The following VIPR2 variants were observed in gnomAD, a reference collection of about 807,000 sequenced individuals.
VIPR2 encodes the protein vasoactive intestinal peptide receptor 2.
In VIPR2, 48 loss-of-function variants were observed where a neutral mutation model predicts 58.0. That is an observed-to-expected ratio of 0.83 (90% CI 0.66 to 1.05). The LOEUF (loss-of-function observed/expected upper bound fraction) is 1.05. Among genes scored for constraint, VIPR2 ranks in the 50% least tolerant of loss-of-function variants. The pLI, the probability that VIPR2 is intolerant of heterozygous loss-of-function variation, is 0.00. For synonymous variants in VIPR2, 243 were observed against 235.2 expected, an observed-to-expected ratio of 1.03 and a Z score of -0.30; for missense variants, 534 against 558.0, an observed-to-expected ratio of 0.96 and a Z score of 0.43.
Position 159,031,692 on chromosome 7 carries a change from C to G in VIPR2, c.1143+136G>C. ...CGTTGTGGGTTCTCTGATGGGGACA[C>G]AGAACTGTGGGGTCCCGGGCAGTAA... On this transcript the variant is annotated intron_variant, in intron 12 of 12. Coordinates refer to ENST00000262178, the MANE Select transcript of VIPR2 (RefSeq NM_003382.5). The surrounding 1 kb of genome is among the most constrained non-coding windows in gnomAD (Gnocchi z 4.0). The G allele has an allele frequency of 1.3e-6, 2 of 1,530,706 alleles. No homozygotes were observed. Among genetic ancestry groups the G allele is most frequent in the Non-Finnish European group, 1.7e-6 (2 of 1,144,640 alleles). 94.8% of individuals were successfully genotyped at this position (1,530,706 alleles called of 1,614,324 possible).
intron 6 of VIPR2, among the ~76,000 whole-genome samples, chr7:159,038,182 GCCTCCCCTGAGCCCTGCAGGCTGCCCCGA>G (rs1051001432): frequency 2.6e-5 from 4 of 151,824 alleles, no homozygotes; most frequent in East Asian, 1.9e-4. Flanking sequence ...GCTGTCCCTG[GCCTCCCCTGAGCCCTGCAGGCTGCCCCGA>G]CCTCCCCTGA....
chr7:159,081,106 G>A (rs1399212504), intron 4 of VIPR2, among the ~76,000 whole-genome samples: 1 of 152,008 alleles, frequency 6.6e-6, no homozygotes, highest in Non-Finnish European at 1.5e-5. Context: ...TCACAGAATT[G>A]GAAAAAACTA....
chr7:159,034,681 CACCA>C, intron 8 of VIPR2, 31 bp from the exon 9 acceptor site: 1 of 1,600,888 alleles, frequency 6.2e-7, no homozygotes, highest in Non-Finnish European at 8.6e-7. Flanking sequence ...ATCAGGTTAC[CACCA>C]ACCACTTTCG....
chr7:159,081,393 G>T (rs1379766536), intron 4 of VIPR2, among the ~76,000 whole-genome samples: 2 of 152,212 alleles, frequency 1.3e-5, no homozygotes, highest in Non-Finnish European at 2.9e-5. Flanking sequence ...AATAAATGGT[G>T]CTGGGAAAAC....
rs1188696364 is a variant in VIPR2, at chr7:159,030,766, T to C, written c.1167A>G (p.Lys389=). The C allele has an allele frequency of 1.3e-6, 2 of 1,594,478 alleles. No individual in the cohort carries two copies. The highest frequency in any genetic ancestry group is 2.3e-5 in the South Asian group (2 of 88,244). ...NSEVQCELKR[K]WRSRCPTPSA... is the part of the protein sequence containing the mutation. ...ACGGGGTCGGGCACCGGCTTCGCCA[T>C]TTTCGCTTCAGCTCGCACTGCACCT... Residue 389 remains lysine (K), a synonymous_variant, in exon 13 of 13, where the codon AAA becomes AAG. Coordinates refer to ENST00000262178, the MANE Select transcript of VIPR2 (RefSeq NM_003382.5).
At chr7:159,051,266 C>A (rs943325149) in intron 5 of VIPR2, among the ~76,000 whole-genome samples, 1 of 152,090 alleles carries the variant, frequency 6.6e-6, no homozygotes, top group African/African-American at 2.4e-5. Context: ...GACAAAAACA[C>A]AAAACACATG....
intron 3 of VIPR2, among the ~76,000 whole-genome samples, chr7:159,105,618 C>T (rs1169231684): frequency 2.0e-5 from 3 of 152,138 alleles, no homozygotes; most frequent in African/African-American, 4.8e-5. Flanking sequence ...TGCCCACTGG[C>T]ACCCCGACAC....
At chr7:159,117,161 C>T (rs1396052756) in intron 2 of VIPR2, 8 of 620,012 alleles carry the variant, frequency 1.3e-5, no homozygotes, top group Admixed American at 5.2e-5. Context: ...GGACGGAGTG[C>T]GGGAGCCAGC....
chr7:159,091,858 G>A (rs970714658), intron 4 of VIPR2, among the ~76,000 whole-genome samples: 5 of 152,204 alleles, frequency 3.3e-5, no homozygotes, highest in African/African-American at 7.2e-5. Context: ...CCAGGGGCAG[G>A]GGCTCATGCC....
chr7:159,132,224 G>A (rs1237437772), intron 2 of VIPR2, among the ~76,000 whole-genome samples: 100 of 144,248 alleles, frequency 6.9e-4, no homozygotes, highest in African/African-American at 1.3e-3. Context: ...CAGGAGCAGC[G>A]AGTAACCAGG....
At chr7:159,139,553 G>C (rs1344526913) in intron 2 of VIPR2, among the ~76,000 whole-genome samples, 2 of 152,226 alleles carry the variant, frequency 1.3e-5, no homozygotes, top group East Asian at 3.8e-4. Flanking sequence ...CTGACATGTA[G>C]ATCGAAATTA....
chr7:159,142,439 G>A lies in VIPR2; in HGVS notation c.151+7C>T. 6.2e-7 allele frequency: 1 copy of A among 1,611,308 alleles called. No homozygotes were observed. Among genetic ancestry groups the A allele is most frequent in the Non-Finnish European group, 8.5e-7 (1 of 1,177,964 alleles). On this transcript the variant is annotated splice_region_variant and intron_variant, in intron 2 of 12. Coordinates refer to ENST00000262178, the MANE Select transcript of VIPR2 (RefSeq NM_003382.5). ...GGGAGTTCTTACTCACCAAGCCTCT[G>A]CCTTACCTTTGTGTTTTTCTGTTTG...
At chr7:159,119,878 G>A (rs1430337951) in intron 2 of VIPR2, among the ~76,000 whole-genome samples, 1 of 151,048 alleles carries the variant, frequency 6.6e-6, no homozygotes, top group African/African-American at 2.5e-5. Flanking sequence ...AGCCTGGTAG[G>A]TGGGGTTGGA....
chr7:159,065,427 G>A (rs1856026775), intron 4 of VIPR2, among the ~76,000 whole-genome samples: 2 of 152,164 alleles, frequency 1.3e-5, no homozygotes, highest in African/African-American at 4.8e-5. Context: ...CCTCTGGCCA[G>A]GGTTCCGGCT....
At chr7:159,137,160 G>A (rs544011580) in intron 2 of VIPR2, among the ~76,000 whole-genome samples, 37 of 152,190 alleles carry the variant, frequency 2.4e-4, no homozygotes, top group South Asian at 4.2e-4. Context: ...CACCCTGAAT[G>A]GCTTCCTGTG....
chr7:159,104,978 T>C (rs1563332194), intron 3 of VIPR2, among the ~76,000 whole-genome samples: 2 of 152,232 alleles, frequency 1.3e-5, no homozygotes, highest in East Asian at 3.9e-4. Flanking sequence ...CCACTGGTGT[T>C]GGAAGAAAGG....
At chr7:159,135,015 T>TTTTTTTG in intron 2 of VIPR2, among the ~76,000 whole-genome samples, 1 of 123,010 alleles carries the variant, frequency 8.1e-6, no homozygotes, top group African/African-American at 3.3e-5. Flanking sequence ...TTTTTTTTTT[T>TTTTTTTG]TTTTTTTTTT....
rs536673652 is a variant in VIPR2 at position 159,081,016 on chromosome 7, C to T, written c.358-22438G>A. Among the ~76,000 whole-genome samples the T allele has an allele frequency of 6.6e-5, 10 of 152,290 alleles. No individual in the cohort carries two copies. The East Asian group carries it at 1.2e-3, about 18-fold the overall frequency. On this transcript the variant is annotated intron_variant, in intron 4 of 12. Transcript: ENST00000262178. ...TTCCATGCTCATGGGTAGGAATAAT[C>T]AATACCGTGAAAATGGCCATACTGC... is the stretch of plus-strand genomic sequence containing the variant.
chr7:159,064,320 C>T (rs560767795), intron 4 of VIPR2, among the ~76,000 whole-genome samples: 53 of 152,150 alleles, frequency 3.5e-4, no homozygotes, highest in African/African-American at 1.1e-3. Context: ...TGGGCTCGAG[C>T]GGGTCCACAG....
Sources: allele counts gnomAD v4.1 joint callset (sites outside exome capture counted in the v4.1 genomes callset), GRCh38; gene constraint gnomAD v4.1.1; non-coding constraint Gnocchi (gnomAD v3.1); transcripts MANE v1.5; gene names NCBI Gene and HGNC (gene_info 2026-07-23, HGNC 2026-07-21).